The following CDC45 variants were observed in gnomAD, a reference collection of about 807,000 sequenced individuals.
CDC45 encodes the protein cell division cycle 45.
CDC45 carries 54 observed loss-of-function variants against 77.8 expected under a neutral mutation model. The ratio of observed to expected loss-of-function variants is 0.69; its 90% CI spans 0.56 to 0.87. The LOEUF is 0.87. CDC45 is among the 40% of genes least tolerant of loss of function. The probability of loss-of-function intolerance (pLI) is 0.00; values close to 1 mark genes in which losing one functional copy is unlikely to be tolerated. For missense variants in CDC45, 649 were observed against 721.6 expected (o/e 0.90, Z 1.15); for synonymous variants, 260 against 272.1 (o/e 0.96, Z 0.44).
At chr22:19,507,611 G>A in intron 11 of CDC45, 94 bp downstream of exon 11, 1 of 1,525,456 alleles carries the variant, frequency 6.6e-7, no homozygotes, top group South Asian at 1.2e-5. Context: ...GTTATAAAAT[G>A]CAGCCTGTTC....
At chr22:19,501,121 G>A (rs182665656) in intron 9 of CDC45, among the ~76,000 whole-genome samples, 161 of 152,254 alleles carry the variant, frequency 1.1e-3, no homozygotes, top group South Asian at 3.1e-3. Context: ...CGGAGGCTGC[G>A]GTGAGCTGAG....
intron 16 of CDC45, 23 bp downstream of exon 16, chr22:19,516,668 G>T: frequency 6.3e-7 from 1 of 1,595,170 alleles, no homozygotes; most frequent in Non-Finnish European, 8.6e-7. Context: ...CACTCGTCCT[G>T]GGACTGGAGG....
At chr22:19,484,294 G>A (rs1380181272) in intron 5 of CDC45, among the ~76,000 whole-genome samples, 3 of 152,220 alleles carry the variant, frequency 2.0e-5, no homozygotes, top group Non-Finnish European at 4.4e-5. Flanking sequence ...ATGTAGAGAA[G>A]CAATAAATAG....
intron 5 of CDC45, among the ~76,000 whole-genome samples, chr22:19,492,484 T>C (rs747423826): frequency 6.6e-6 from 1 of 152,198 alleles, no homozygotes; most frequent in Admixed American, 6.5e-5. Context: ...ATTTCTTTGC[T>C]GAGGCTTCCC....
intron 9 of CDC45, among the ~76,000 whole-genome samples, chr22:19,500,324 C>G (rs1239563255): frequency 1.3e-5 from 2 of 152,066 alleles, no homozygotes; most frequent in African/African-American, 4.8e-5. Flanking sequence ...TCCCTATAAA[C>G]TTTACAAAAT....
At chr22:19,516,681 C>T (rs1555879092) in intron 16 of CDC45, 36 bp downstream of exon 16, 65 of 1,574,442 alleles carry the variant, frequency 4.1e-5, no homozygotes, top group East Asian at 2.3e-4. Context: ...ACTGGAGGGT[C>T]GGGGGTGTTG....
rs5993663 is a variant in CDC45 at position 19,515,580 on chromosome 22, C to T, written c.1440+532C>T. ...CTGCTTCGAGGATGAGAGTTTATGC[C>T]GGGGGCTATTTCAAACAAAATGTGC... On this transcript the variant is annotated intron_variant, in intron 15 of 18. Transcript: ENST00000263201. Among the ~76,000 whole-genome samples the T allele has an allele frequency of 8.8e-4, 134 of 152,232 alleles. 1 individual carries two copies. The highest frequency in any genetic ancestry group is 2.9e-3 in the African/African-American group (120 of 41,548).
At chr22:19,492,291 TTC>T (rs755532401) in intron 5 of CDC45, among the ~76,000 whole-genome samples, 10 of 152,184 alleles carry the variant, frequency 6.6e-5, no homozygotes, top group Non-Finnish European at 1.5e-4. Context: ...ACTGGGTAAT[TTC>T]TGTCTTTCTG....
chr22:19,510,221 A>G (rs912807520), intron 13 of CDC45, among the ~76,000 whole-genome samples: 5 of 152,178 alleles, frequency 3.3e-5, no homozygotes, highest in African/African-American at 1.2e-4. Context: ...AGCCTCCCAA[A>G]GTGCTGGGAG....
In CDC45 at chr22:19,494,399, A is replaced by C. The variant is rs564150904; in HGVS notation, c.542+17A>C. ...GGCCCGGAGGTGAGTCTGTGCTTCC[A>C]GCTGCTCCCAGCACCAGAAGCCCAC... On this transcript the variant is annotated intron_variant, in intron 6 of 18. Transcript: ENST00000263201. 6.2e-7 allele frequency: 1 copy of C among 1,612,800 alleles called. No homozygotes were observed. Among genetic ancestry groups the C allele is most frequent in the Non-Finnish European group, 8.5e-7 (1 of 1,179,350 alleles).
At position 19,514,807 on chromosome 22, in the gene CDC45, A is replaced by T; in HGVS notation, c.1276A>T (p.Thr426Ser). The T allele has an allele frequency of 6.2e-7, 1 of 1,614,130 alleles. No individual in the cohort carries two copies. The highest frequency in any genetic ancestry group is 8.5e-7 in the Non-Finnish European group (1 of 1,180,028). Residue 426 changes from threonine to serine, a missense_variant, in exon 14 of 19, where the codon ACC becomes TCC. Transcript: ENST00000263201. ...LELAKKQLRA[T>S]QQTIASCLCT... ...ACTCGCCAAGAAGCAGCTGCGAGCC[A>T]CCCAGCAGACCATTGCCAGCTGCCT... is the stretch of plus-strand genomic sequence containing the variant.
intron 5 of CDC45, among the ~76,000 whole-genome samples, chr22:19,489,647 C>G (rs962864364): frequency 6.6e-6 from 1 of 152,142 alleles, no homozygotes. Context: ...TTTATACCTG[C>G]ATAAAAACAA....
At position 19,497,448 on chromosome 22, in the gene CDC45, G is replaced by T; in HGVS notation, c.653+1G>T. 4 of 1,613,668 alleles carry T rather than the reference G, an allele frequency of 2.5e-6. No homozygotes were observed. The highest frequency in any genetic ancestry group is 1.3e-5 in the African/African-American group (1 of 75,050). Reference sequence around the variant, plus strand: ...CCAAGGACCTGAATGACATGCTGTGGTACGTAGCCCCTGCGGCAGCTGTGT... The same window carrying T: ...CCAAGGACCTGAATGACATGCTGTGTTACGTAGCCCCTGCGGCAGCTGTGT... On this transcript the variant is annotated splice_donor_variant, in intron 8 of 18. Coordinates refer to ENST00000263201, the MANE Select transcript of CDC45 (RefSeq NM_003504.5). LOFTEE classifies it high-confidence loss of function.
intron 5 of CDC45, among the ~76,000 whole-genome samples, chr22:19,486,626 CT>C (rs1217134932): frequency 6.6e-6 from 1 of 152,104 alleles, no homozygotes; most frequent in Admixed American, 6.5e-5. Context: ...GAGAAGAATA[CT>C]TTTTATATAA....
intron 6 of CDC45, among the ~76,000 whole-genome samples, chr22:19,494,861 C>T (rs537700556): frequency 6.6e-6 from 1 of 152,276 alleles, no homozygotes; most frequent in Admixed American, 6.5e-5. Flanking sequence ...GGCATGCACT[C>T]CTGCCGCTGC....
chr22:19,505,518 AC>A, intron 10 of CDC45, 37 bp downstream of exon 10: 1 of 1,609,380 alleles, frequency 6.2e-7, no homozygotes, highest in Non-Finnish European at 8.5e-7. Context: ...CACAGGCAGC[AC>A]CCCTGCTCAG....
intron 13 of CDC45, among the ~76,000 whole-genome samples, chr22:19,513,792 A>G (rs543493984): frequency 4.6e-5 from 7 of 152,206 alleles, no homozygotes; most frequent in African/African-American, 7.2e-5. Flanking sequence ...TTTCTTTACT[A>G]TTCCCCCCAC....
In CDC45 at chr22:19,505,485, T is replaced by A; in HGVS notation, c.824+4T>A. On this transcript the variant is annotated splice_donor_region_variant and intron_variant, in intron 10 of 18. Coordinates refer to ENST00000263201, the MANE Select transcript of CDC45 (RefSeq NM_003504.5). ...CACGGATCTCCTTTGAGTATGAGTA[T>A]CCTTGTGGCCCAGCCTGAGGGGCAC... The A allele has an allele frequency of 1.2e-6, 2 of 1,613,978 alleles. No individual in the cohort carries two copies. Among genetic ancestry groups the A allele is most frequent in the Non-Finnish European group, 1.7e-6 (2 of 1,179,942 alleles).
At chr22:19,516,060 G>T (rs540262101) in intron 15 of CDC45, among the ~76,000 whole-genome samples, 7 of 152,018 alleles carry the variant, frequency 4.6e-5, no homozygotes, top group African/African-American at 7.2e-5. Context: ...CGTGCCGGCG[G>T]GGGGGACGAG....
Sources: gnomAD v4.1 joint callset for allele counts (sites outside exome capture counted in the v4.1 genomes callset) on GRCh38, gnomAD v4.1.1 for gene constraint, MANE v1.5 for transcripts, NCBI Gene and HGNC (gene_info 2026-07-23, HGNC 2026-07-21) for gene names.